Variants in NXPE2 observed in about 807,000 individuals in gnomAD.
The protein encoded by NXPE2 is NXPE family member 2.
NXPE2 carries 34 observed loss-of-function variants against 34.4 expected under a neutral mutation model. The observed-to-expected ratio is 0.99, with a 90% CI of 0.75 to 1.31. The LOEUF is 1.31. NXPE2 is among the 40% of genes most tolerant of loss of function. The pLI is 0.00. For missense variants in NXPE2, 649 were observed against 672.5 expected (o/e 0.97, Z 0.39); for synonymous variants, 235 against 231.3 (o/e 1.02, Z -0.15).
the NXPE2 span, among the ~76,000 whole-genome samples, chr11:114,487,089 G>A: frequency 6.6e-5 from 10 of 152,084 alleles, no homozygotes; most frequent in Non-Finnish European, 1.5e-4. Context: ...GCTTTGGGCA[G>A]TATGGACATT....
the NXPE2 span, among the ~76,000 whole-genome samples, chr11:114,667,660 C>T: frequency 5.3e-5 from 8 of 152,228 alleles, no homozygotes; most frequent in Non-Finnish European, 8.8e-5. Flanking sequence ...GTACGCTCAA[C>T]AGTCCATGGA....
the NXPE2 span, among the ~76,000 whole-genome samples, chr11:114,554,824 TA>T: frequency 6.6e-6 from 1 of 152,184 alleles, no homozygotes; most frequent in Non-Finnish European, 1.5e-5. Context: ...ATAAAGGTGT[TA>T]TTTTTTTCCC....
At chr11:114,497,132 G>C in the NXPE2 span, among the ~76,000 whole-genome samples, 4 of 152,096 alleles carry the variant, frequency 2.6e-5, no homozygotes, top group Non-Finnish European at 5.9e-5. Flanking sequence ...TACTGCTGCT[G>C]TGCACCTCAC....
At chr11:114,653,704 A>G in the NXPE2 span, among the ~76,000 whole-genome samples, 1 of 151,396 alleles carries the variant, frequency 6.6e-6, no homozygotes, top group Non-Finnish European at 1.5e-5. Flanking sequence ...ATTTTTTTGT[A>G]TTTTTAGTAG....
chr11:114,772,555 G>A, the NXPE2 span, among the ~76,000 whole-genome samples: 1 of 151,940 alleles, frequency 6.6e-6, no homozygotes, highest in African/African-American at 2.4e-5. Flanking sequence ...TTCTTTGAAG[G>A]GTTAATTTGC....
the NXPE2 span, among the ~76,000 whole-genome samples, chr11:114,736,508 T>C: frequency 6.6e-6 from 1 of 152,256 alleles, no homozygotes; most frequent in Non-Finnish European, 1.5e-5. Context: ...AGTTTAAGGT[T>C]ATCTCTCTTG....
the NXPE2 span, among the ~76,000 whole-genome samples, chr11:114,662,945 C>T: frequency 6.6e-6 from 1 of 152,164 alleles, no homozygotes; most frequent in African/African-American, 2.4e-5. Flanking sequence ...GAGGCTTGCT[C>T]TCTATAAGTA....
rs1160350781 is a variant in NXPE2, at chr11:114,678,726, T to C, written c.26+125T>C. On this transcript the variant is annotated intron_variant, in intron 1 of 5. Transcript: ENST00000389586. Reference sequence around the variant, plus strand: ...TTAGAGGATAGTAAAATCGTTTTATTTGGGCATAAAAATACTTTTAAAATG... The same window carrying C: ...TTAGAGGATAGTAAAATCGTTTTATCTGGGCATAAAAATACTTTTAAAATG... 10 of 687,396 alleles carry C rather than the reference T, an allele frequency of 1.5e-5. No individual in the cohort carries two copies. In the African/African-American group the frequency reaches 1.6e-4, roughly 11 times the overall value. 42.6% of individuals were successfully genotyped at this position (687,396 alleles called of 1,614,324 possible).
At chr11:114,685,536 A>G (rs1784523523) in intron 2 of NXPE2, among the ~76,000 whole-genome samples, 3 of 152,226 alleles carry the variant, frequency 2.0e-5, no homozygotes, top group Non-Finnish European at 1.5e-5. Flanking sequence ...TGTAACATAC[A>G]AATTTGGGAG....
chr11:114,809,151 T>A, the NXPE2 span, among the ~76,000 whole-genome samples: 14 of 152,048 alleles, frequency 9.2e-5, no homozygotes, highest in Non-Finnish European at 2.1e-4. Flanking sequence ...CAACCCTTCA[T>A]GCTAAAAACT....
the NXPE2 span, among the ~76,000 whole-genome samples, chr11:114,721,243 GTTT>G: frequency 0.026 from 3,619 of 138,862 alleles, 150 homozygotes; most frequent in African/African-American, 0.089. Context: ...CTTTCTTCAG[GTTT>G]TTTTTTTTTT....
chr11:114,785,511 A>T, the NXPE2 span, among the ~76,000 whole-genome samples: 1 of 152,280 alleles, frequency 6.6e-6, no homozygotes, highest in South Asian at 2.1e-4. Context: ...GTTAATTAAT[A>T]TATTAATTCT....
At chr11:114,622,564 G>A in the NXPE2 span, among the ~76,000 whole-genome samples, 1 of 151,808 alleles carries the variant, frequency 6.6e-6, no homozygotes, top group Non-Finnish European at 1.5e-5. Context: ...TTGCCTCGTG[G>A]GTAACCACTG....
the NXPE2 span, among the ~76,000 whole-genome samples, chr11:114,560,867 A>G: frequency 6.6e-6 from 1 of 152,152 alleles, no homozygotes; most frequent in Non-Finnish European, 1.5e-5. Flanking sequence ...CATAGCTGCA[A>G]TCATACAGTG....
At chr11:114,749,274 T>C in the NXPE2 span, among the ~76,000 whole-genome samples, 1 of 152,214 alleles carries the variant, frequency 6.6e-6, no homozygotes, top group Non-Finnish European at 1.5e-5. Flanking sequence ...TTCATGTATA[T>C]CTAATCCATT....
the NXPE2 span, among the ~76,000 whole-genome samples, chr11:114,798,079 T>G: frequency 6.6e-6 from 1 of 152,204 alleles, no homozygotes; most frequent in Non-Finnish European, 1.5e-5. Flanking sequence ...TGCTTCTGCT[T>G]ATATTTCCCT....
the NXPE2 span, among the ~76,000 whole-genome samples, chr11:114,650,305 G>A: frequency 2.0e-5 from 3 of 152,218 alleles, no homozygotes; most frequent in Admixed American, 6.5e-5. Flanking sequence ...AACGCCAAAT[G>A]TGAGCTAGTG....
At chr11:114,748,626 G>A in the NXPE2 span, among the ~76,000 whole-genome samples, 35 of 152,178 alleles carry the variant, frequency 2.3e-4, 1 homozygote, top group African/African-American at 8.2e-4. Context: ...TTAGATTCAA[G>A]TTGTACATTT....
At chr11:114,570,809 A>G in the NXPE2 span, 2 of 613,760 alleles carry the variant, frequency 3.3e-6, no homozygotes, top group Non-Finnish European at 5.6e-6. Flanking sequence ...TGGCTTATGG[A>G]TCAGCCATAA....
Sources: allele counts gnomAD v4.1 joint callset (sites outside exome capture counted in the v4.1 genomes callset), GRCh38; gene constraint gnomAD v4.1.1; transcripts MANE v1.5; gene names NCBI Gene and HGNC (gene_info 2026-07-23, HGNC 2026-07-21).